Variants in ADCY8 observed in about 807,000 individuals in gnomAD.
The protein encoded by ADCY8 is adenylate cyclase 8.
A neutral mutation model predicts 119.7 loss-of-function variants in ADCY8; 51 were observed. The ratio of observed to expected loss-of-function variants is 0.43; its 90% CI spans 0.34 to 0.54. ADCY8 has a LOEUF of 0.54. Ranked by LOEUF, ADCY8 falls within the 20% of genes least tolerant of loss-of-function variation. ADCY8 has a pLI of 0.03. For missense variants in ADCY8, 1,383 were observed against 1,598.8 expected, an observed-to-expected ratio of 0.87 and a Z score of 2.30; for synonymous variants, 665 against 651.0, an observed-to-expected ratio of 1.02 and a Z score of -0.33.
At chr8:130,836,254 G>A (rs200744256) in intron 12 of ADCY8, 23 bp downstream of exon 12, 3 of 1,596,292 alleles carry the variant, frequency 1.9e-6, no homozygotes, top group East Asian at 4.5e-5. Flanking sequence ...GCACACTTTG[G>A]ACTCACGGTG....
chr8:130,964,095 G>A (rs1042244224), intron 2 of ADCY8, among the ~76,000 whole-genome samples: 3 of 152,120 alleles, frequency 2.0e-5, no homozygotes, highest in East Asian at 1.9e-4. Flanking sequence ...CCAAGTCCTC[G>A]TACGTCATGT....
chr8:130,997,662 TA>T, intron 1 of ADCY8, among the ~76,000 whole-genome samples: 1 of 152,228 alleles, frequency 6.6e-6, no homozygotes, highest in East Asian at 1.9e-4. Context: ...GTTTGGGTTT[TA>T]GTATCTAGTA....
At chr8:130,815,275 A>G (rs75230414) in intron 13 of ADCY8, among the ~76,000 whole-genome samples, 1,895 of 152,322 alleles carry the variant, frequency 0.012, 36 homozygotes, top group African/African-American at 0.043. Flanking sequence ...TCTGTTGTTA[A>G]ATACACTCAG....
intron 15 of ADCY8, among the ~76,000 whole-genome samples, chr8:130,797,914 T>C (rs1271638564): frequency 6.6e-6 from 1 of 152,206 alleles, no homozygotes; most frequent in Admixed American, 6.5e-5. Context: ...TGAGAAACAG[T>C]GCAACACAAA....
At chr8:130,830,660 T>C (rs1329378567) in intron 12 of ADCY8, among the ~76,000 whole-genome samples, 1 of 152,160 alleles carries the variant, frequency 6.6e-6, no homozygotes, top group East Asian at 1.9e-4. Flanking sequence ...CCAGACAACA[T>C]AGCCACTTCA....
chr8:131,003,206 T>TCTCACACACACACACACACACACA (rs372048150), intron 1 of ADCY8, among the ~76,000 whole-genome samples: 2 of 137,488 alleles, frequency 1.5e-5, no homozygotes, highest in African/African-American at 5.6e-5. Flanking sequence ...TGAAACACCA[T>TCTCACACACACACACACACACACA]CACACACACA....
At chr8:130,894,893 T>C (rs1819329420) in intron 7 of ADCY8, among the ~76,000 whole-genome samples, 1 of 152,070 alleles carries the variant, frequency 6.6e-6, no homozygotes, top group Non-Finnish European at 1.5e-5. Flanking sequence ...CAAATGCAAT[T>C]TTGCTTGGAA....
At chr8:131,011,048 T>C (rs144291812) in intron 1 of ADCY8, among the ~76,000 whole-genome samples, 364 of 152,034 alleles carry the variant, frequency 2.4e-3, no homozygotes, top group African/African-American at 8.5e-3. Context: ...GAAACAGATG[T>C]AGAAGTGAGC....
chr8:130,972,611 G>T (rs1034228416), intron 2 of ADCY8, among the ~76,000 whole-genome samples: 10 of 152,156 alleles, frequency 6.6e-5, no homozygotes, highest in African/African-American at 2.4e-4. Context: ...GGCAACCAAA[G>T]TAGGGTACTT....
intron 1 of ADCY8, among the ~76,000 whole-genome samples, chr8:131,006,288 G>C (rs918503401): frequency 3.3e-5 from 5 of 152,176 alleles, no homozygotes; most frequent in Non-Finnish European, 7.3e-5. Context: ...TTGACACACA[G>C]CAGTCATTCA....
chr8:130,912,092 C>T (rs1453012256), intron 5 of ADCY8, among the ~76,000 whole-genome samples: 1 of 152,204 alleles, frequency 6.6e-6, no homozygotes. Context: ...AGCTTCTACT[C>T]CATCTTTTAG....
intron 1 of ADCY8, among the ~76,000 whole-genome samples, chr8:130,991,213 C>T (rs1031963643): frequency 5.9e-5 from 9 of 152,134 alleles, no homozygotes; most frequent in African/African-American, 2.2e-4. Context: ...GAAAAGGGGT[C>T]AACACATGGA....
intron 12 of ADCY8, among the ~76,000 whole-genome samples, chr8:130,827,642 A>G (rs1489387950): frequency 6.6e-6 from 1 of 152,108 alleles, no homozygotes; most frequent in East Asian, 1.9e-4. Flanking sequence ...CCCCACTCCT[A>G]AACCACTTGT....
At chr8:130,942,422 C>G (rs781594403) in intron 4 of ADCY8, among the ~76,000 whole-genome samples, 2 of 152,174 alleles carry the variant, frequency 1.3e-5, no homozygotes, top group Non-Finnish European at 2.9e-5. Flanking sequence ...ATTTTACATT[C>G]CTTACCTATT....
intron 11 of ADCY8, among the ~76,000 whole-genome samples, chr8:130,840,778 G>T (rs995958957): frequency 1.3e-5 from 2 of 152,094 alleles, no homozygotes; most frequent in Non-Finnish European, 2.9e-5. Flanking sequence ...GGGGTTCTCT[G>T]TTTTTTCCCA....
intron 1 of ADCY8, among the ~76,000 whole-genome samples, chr8:131,032,010 A>C (rs1407826003): frequency 1.3e-5 from 2 of 152,248 alleles, no homozygotes; most frequent in Non-Finnish European, 2.9e-5. Flanking sequence ...AATGAAGAAA[A>C]GATTCTGAAA....
intron 14 of ADCY8, among the ~76,000 whole-genome samples, chr8:130,803,353 C>T (rs768968307): frequency 3.3e-5 from 5 of 152,202 alleles, no homozygotes; most frequent in Non-Finnish European, 7.3e-5. Context: ...TACAGTATAG[C>T]CCTTGCCACC....
intron 2 of ADCY8, among the ~76,000 whole-genome samples, chr8:130,976,264 C>T (rs370461212): frequency 6.6e-5 from 10 of 152,222 alleles, no homozygotes; most frequent in Middle Eastern, 3.4e-3. Context: ...CTCTGAAGGC[C>T]TTAGAAGGGG....
At chr8:130,850,490 C>G (rs12546036) in intron 9 of ADCY8, among the ~76,000 whole-genome samples, 20,971 of 152,030 alleles carry the variant, frequency 0.14, 1,759 homozygotes, top group Non-Finnish European at 0.18. Flanking sequence ...TCCTGTCTCC[C>G]CTATCAACCT....
Sources: allele counts gnomAD v4.1 joint callset (sites outside exome capture counted in the v4.1 genomes callset), GRCh38; gene constraint gnomAD v4.1.1; transcripts MANE v1.5; gene names NCBI Gene and HGNC (gene_info 2026-07-23, HGNC 2026-07-21).